VPS13B: variants seen among roughly 807,000 people sequenced by gnomAD.
VPS13B encodes the protein intermembrane lipid transfer protein VPS13B.
A neutral mutation model predicts 426.4 loss-of-function variants in VPS13B; 285 were observed. The ratio of observed to expected loss-of-function variants is 0.67; its 90% confidence interval spans 0.61 to 0.74. VPS13B has a LOEUF of 0.74. Among genes scored for constraint, VPS13B ranks in the 30% least tolerant of loss-of-function variants. VPS13B has a pLI of 0.00. For synonymous variants in VPS13B, 1,676 were observed against 1,676.4 expected, an observed-to-expected ratio of 1.00 and a Z score of 0.01; for missense variants, 4,537 against 4,782.6, an observed-to-expected ratio of 0.95 and a Z score of 1.51.
intron 21 of VPS13B, among the ~76,000 whole-genome samples, chr8:99,428,407 C>A (rs1445734189): frequency 3.3e-5 from 5 of 152,116 alleles, no homozygotes; most frequent in Non-Finnish European, 5.9e-5. Flanking sequence ...GGGCTAATAT[C>A]CAGAATCTAC....
intron 17 of VPS13B, among the ~76,000 whole-genome samples, chr8:99,246,725 G>A (rs1347576474): frequency 6.6e-6 from 1 of 151,902 alleles, no homozygotes; most frequent in East Asian, 1.9e-4. Context: ...AATTAGCTGG[G>A]CCTGGTAGCA....
chr8:99,684,389 A>G (rs777064535), intron 35 of VPS13B, among the ~76,000 whole-genome samples: 4 of 152,222 alleles, frequency 2.6e-5, no homozygotes, highest in Non-Finnish European at 4.4e-5. Context: ...AAGGAAAACA[A>G]TAGATTTCCC....
chr8:99,506,281 T>C lies in VPS13B; in HGVS notation c.4158-856T>C, dbSNP rs142027100. 2.0e-3 allele frequency among the ~76,000 whole-genome samples: 304 copies of C among 152,308 alleles called. 2 individuals are homozygous for C. Among genetic ancestry groups the C allele is most frequent in the African/African-American group, 7.1e-3 (296 of 41,580 alleles). ...TTTTGTCATATTAAACAGTGACTTA[T>C]TAATTGGCTTTTGATAATAGAATGT... is the stretch of plus-strand genomic sequence containing the variant. On this transcript the variant is annotated intron_variant, in intron 27 of 61. Coordinates refer to ENST00000357162, the MANE Select transcript of VPS13B (RefSeq NM_152564.5).
intron 12 of VPS13B, among the ~76,000 whole-genome samples, chr8:99,137,071 C>G (rs936086799): frequency 6.6e-6 from 1 of 151,910 alleles, no homozygotes; most frequent in African/African-American, 2.4e-5. Flanking sequence ...CTTTTCTATT[C>G]TAAATACACT....
chr8:99,746,321 A>G (rs1486481419), intron 39 of VPS13B, among the ~76,000 whole-genome samples: 1 of 152,120 alleles, frequency 6.6e-6, no homozygotes, highest in Non-Finnish European at 1.5e-5. Context: ...TAGCAATGTT[A>G]AAATTGATCA....
intron 19 of VPS13B, among the ~76,000 whole-genome samples, chr8:99,334,093 A>T (rs1810690391): frequency 6.6e-6 from 1 of 151,926 alleles, no homozygotes. Context: ...TAGAAGTGGA[A>T]TTGTTACTAT....
intron 19 of VPS13B, among the ~76,000 whole-genome samples, chr8:99,332,044 T>C (rs1810572946): frequency 6.6e-6 from 1 of 151,764 alleles, no homozygotes; most frequent in African/African-American, 2.4e-5. Context: ...GTTTGGCTGC[T>C]CCAGAAACGT....
At chr8:99,695,197 G>C (rs1831905455) in intron 35 of VPS13B, among the ~76,000 whole-genome samples, 1 of 150,946 alleles carries the variant, frequency 6.6e-6, no homozygotes, top group South Asian at 2.1e-4. Context: ...CCCATTACTG[G>C]GTATATACCC....
At chr8:99,500,111 T>A (rs1384157529) in intron 25 of VPS13B, among the ~76,000 whole-genome samples, 4 of 152,146 alleles carry the variant, frequency 2.6e-5, no homozygotes, top group Non-Finnish European at 2.9e-5. Context: ...TGTTTAGAGA[T>A]TAGTGGCTTC....
Position 99,784,261 on chromosome 8 carries a change from AACATCTTACAAT to A in VPS13B, c.7780-53_7780-42del. ...ATCGCCACTGGGCAGACAGCTGCCA[AACATCTTACAAT>A]TAATCCGATCCATGTTGGCTTTCGT... On this transcript the variant is annotated intron_variant, in intron 42 of 61. Coordinates refer to ENST00000357162, the MANE Select transcript of VPS13B (RefSeq NM_152564.5). 3 of 1,612,452 alleles carry A rather than the reference AACATCTTACAAT, an allele frequency of 1.9e-6. No individual in the cohort carries two copies. The South Asian group carries it at 3.3e-5, about 18-fold the overall frequency.
chr8:99,064,542 A>T (rs1844369532), intron 3 of VPS13B, among the ~76,000 whole-genome samples: 1 of 152,230 alleles, frequency 6.6e-6, no homozygotes, highest in Non-Finnish European at 1.5e-5. Flanking sequence ...ATAAAATGAG[A>T]AGAGAAGTTT....
At chr8:99,620,097 A>T (rs1315114028) in intron 33 of VPS13B, among the ~76,000 whole-genome samples, 1 of 152,130 alleles carries the variant, frequency 6.6e-6, no homozygotes, top group Non-Finnish European at 1.5e-5. Flanking sequence ...ACTGTTCATT[A>T]GAGAATGTAG....
At chr8:99,762,406 T>C (rs1810979058) in intron 39 of VPS13B, among the ~76,000 whole-genome samples, 1 of 152,174 alleles carries the variant, frequency 6.6e-6, no homozygotes, top group Non-Finnish European at 1.5e-5. Context: ...GTTATGAGTG[T>C]CTTAAACCAC....
chr8:99,230,935 T>G (rs1816289738), intron 17 of VPS13B, among the ~76,000 whole-genome samples: 1 of 152,228 alleles, frequency 6.6e-6, no homozygotes, highest in East Asian at 1.9e-4. Flanking sequence ...CATTCCTGAA[T>G]TTGTGTGTGA....
chr8:99,431,540 C>A lies in VPS13B; in HGVS notation c.3086C>A (p.Ser1029Tyr), dbSNP rs1318841604. ...SPVKTKTVTE[S>Y]RPLSVPVKAM... ...AATTAGCTATTCTCGTACTCAGAAT[C>A]CCGCCCATTGTCAGTTCCTGTTAAA... is the stretch of plus-strand genomic sequence containing the variant. The change falls in exon 22 of 62, where the codon TCC becomes TAC. Residue 1029 changes from serine to tyrosine, a missense_variant. Physicochemically the swap from Ser to Tyr is moderately radical, Grantham distance 144. Transcript: ENST00000357162. The A allele has an allele frequency of 2.5e-6, 4 of 1,613,162 alleles. No individual in the cohort carries two copies. The highest frequency in any genetic ancestry group is 1.3e-5 in the African/African-American group (1 of 74,904).
At chr8:99,291,991 A>G (rs951469519) in intron 19 of VPS13B, among the ~76,000 whole-genome samples, 1 of 152,174 alleles carries the variant, frequency 6.6e-6, no homozygotes, top group Non-Finnish European at 1.5e-5. Flanking sequence ...ATATTTAAAA[A>G]TTTTAAAAGA....
intron 22 of VPS13B, among the ~76,000 whole-genome samples, chr8:99,436,551 T>C (rs1255095524): frequency 6.6e-6 from 1 of 152,204 alleles, no homozygotes; most frequent in Non-Finnish European, 1.5e-5. Context: ...AATACATCTT[T>C]ATATAGGTTA....
chr8:99,819,278 C>T (rs1158675747), intron 47 of VPS13B, 134 bp from the exon 48 acceptor site: 5 of 1,032,496 alleles, frequency 4.8e-6, no homozygotes, highest in Non-Finnish European at 7.2e-6. Flanking sequence ...CATCCACACA[C>T]TGTCCCATAA....
intron 6 of VPS13B, among the ~76,000 whole-genome samples, chr8:99,113,705 C>T (rs1490007283): frequency 6.6e-6 from 1 of 152,096 alleles, no homozygotes; most frequent in Non-Finnish European, 1.5e-5. Context: ...GCTGGGATTA[C>T]AGGCGCCGGC....
Sources: allele counts gnomAD v4.1 joint callset (sites outside exome capture counted in the v4.1 genomes callset), GRCh38; gene constraint gnomAD v4.1.1; transcripts MANE v1.5; gene names NCBI Gene and HGNC (gene_info 2026-07-23, HGNC 2026-07-21).